Variants in ADGRE2 observed in about 807,000 individuals in gnomAD.
The protein encoded by ADGRE2 is adhesion G protein-coupled receptor E2, also known as CD97 antigen.
In ADGRE2, 83 loss-of-function variants were observed where a neutral mutation model predicts 100.8. That is an observed-to-expected ratio of 0.82 (90% confidence interval 0.69 to 0.99). The LOEUF is 0.99. ADGRE2 is among the 50% of genes least tolerant of loss of function. ADGRE2 has a pLI of 0.00. For missense variants in ADGRE2, 814 were observed against 1,035.7 expected, an observed-to-expected ratio of 0.79 and a Z score of 2.94; for synonymous variants, 355 against 413.0, an observed-to-expected ratio of 0.86 and a Z score of 1.70.
At chr19:14,753,323 C>T (rs1468739401) in intron 14 of ADGRE2, among the ~76,000 whole-genome samples, 2 of 151,824 alleles carry the variant, frequency 1.3e-5, no homozygotes, top group African/African-American at 4.8e-5. Flanking sequence ...AACCCACTGC[C>T]GCTTACAGGC....
Position 14,774,191 on chromosome 19 carries a change from G to C in ADGRE2, c.82+65C>G. ...TTCCCTGGGCTGAAGGGGGCTGGGC[G>C]GGGGTCCAGGACCCTCCCCAGGCTC... On this transcript the variant is annotated intron_variant, in intron 3 of 20. Coordinates refer to ENST00000315576, the MANE Select transcript of ADGRE2 (RefSeq NM_013447.4). The C allele has an allele frequency of 2.0e-6, 3 of 1,516,100 alleles. No individual in the cohort carries two copies. The East Asian group carries it at 6.8e-5, about 35-fold the overall frequency. 93.9% of individuals were successfully genotyped at this position (1,516,100 alleles called of 1,614,324 possible). A position where few individuals can be genotyped will look rare whatever the true frequency, so the allele number is the denominator to read the frequency against.
intron 11 of ADGRE2, 82 bp from the exon 12 acceptor site, chr19:14,756,427 A>C: frequency 2.4e-6 from 2 of 824,608 alleles, no homozygotes; most frequent in Non-Finnish European, 4.1e-6. Context: ...CTTAATATAT[A>C]TACTATATAC....
intron 11 of ADGRE2, among the ~76,000 whole-genome samples, chr19:14,762,483 G>A (rs1030332501): frequency 2.6e-5 from 4 of 152,104 alleles, no homozygotes; most frequent in Admixed American, 6.6e-5. Context: ...TGGGTTGGAG[G>A]AAGGGAGGAA....
intron 13 of ADGRE2, 60 bp from the exon 14 acceptor site, chr19:14,755,187 A>G: frequency 6.5e-7 from 1 of 1,548,938 alleles, no homozygotes; most frequent in Non-Finnish European, 8.8e-7. Flanking sequence ...TAATCCCAGC[A>G]CTTTGGGAGG....
At position 14,772,483 on chromosome 19, in the gene ADGRE2, C is replaced by T. The variant is rs772128568; in HGVS notation, c.214G>A (p.Ala72Thr). Residue 72 changes from alanine to threonine, a missense_variant, in exon 5 of 21, where the codon GCA becomes ACA. Physicochemically the swap from Ala to Thr is moderately conservative, Grantham distance 58. Coordinates refer to ENST00000315576, the MANE Select transcript of ADGRE2 (RefSeq NM_013447.4). Reference protein sequence around the residue: ...METCDDINECATLSKVSCGKF... With the variant: ...METCDDINECTTLSKVSCGKF... Reference sequence around the variant, plus strand: ...CCGCATGACACTTTCGACAGTGTTGCACACTCGTTGATGTCTGGAACACAA... The same window carrying T: ...CCGCATGACACTTTCGACAGTGTTGTACACTCGTTGATGTCTGGAACACAA... 12 of 1,613,964 alleles carry T rather than the reference C, an allele frequency of 7.4e-6. No homozygotes were observed. The highest frequency in any genetic ancestry group is 5.1e-6 in the Non-Finnish European group (6 of 1,180,000).
chr19:14,754,802 T>G (rs765038684), intron 14 of ADGRE2, 152 bp downstream of exon 14: 57 of 797,908 alleles, frequency 7.1e-5, no homozygotes, highest in Non-Finnish European at 1.1e-4. Context: ...TTCAGTCTTG[T>G]AAGACCCTGA....
Position 14,766,245 on chromosome 19 carries a change from G to C in ADGRE2, c.624C>G (p.Thr208=). 1 of 1,614,002 alleles carries C rather than the reference G, an allele frequency of 6.2e-7. No homozygotes were observed. The highest frequency in any genetic ancestry group is 8.5e-7 in the Non-Finnish European group (1 of 1,179,992). The change falls in exon 7 of 21, where the codon ACC becomes ACG. Residue 208 remains threonine (T), a synonymous_variant. Transcript: ENST00000315576. The part of the protein sequence containing the change: ...IPGSPNGPNN[T]VCEDVDECSS... ...ATCTGAGCTCTCGACCTTCACAGAC[G>C]GTATTGTTTGGGCCATTGGGGGACC...
intron 18 of ADGRE2, among the ~76,000 whole-genome samples, chr19:14,744,652 A>G (rs2043032358): frequency 6.6e-6 from 1 of 151,822 alleles, no homozygotes; most frequent in South Asian, 2.1e-4. Context: ...ATGGGGTTTC[A>G]CCATGTTGGC....
chr19:14,753,950 G>A (rs992364578), intron 14 of ADGRE2, among the ~76,000 whole-genome samples: 1 of 152,168 alleles, frequency 6.6e-6, no homozygotes, highest in Non-Finnish European at 1.5e-5. Context: ...ATTGATCCTG[G>A]GTGTGTCTAT....
intron 10 of ADGRE2, among the ~76,000 whole-genome samples, chr19:14,765,011 G>A (rs1275672381): frequency 1.3e-5 from 2 of 151,890 alleles, no homozygotes; most frequent in Non-Finnish European, 1.5e-5. Context: ...GTGAGACTCC[G>A]TCTAAAAAAA....
chr19:14,755,980 C>T, intron 12 of ADGRE2, 103 bp from the exon 13 acceptor site: 2 of 949,340 alleles, frequency 2.1e-6, no homozygotes, highest in Non-Finnish European at 3.2e-6. Flanking sequence ...GATGGGCTAC[C>T]TTCCTTTGGC....
At chr19:14,773,799 C>T in intron 4 of ADGRE2, 139 bp downstream of exon 4, 1 of 869,832 alleles carries the variant, frequency 1.1e-6, no homozygotes, top group Non-Finnish European at 1.9e-6. Context: ...CACACCTGCC[C>T]TCTTTCTCTT....
chr19:14,764,850 C>T (rs2043894472), intron 10 of ADGRE2, among the ~76,000 whole-genome samples: 1 of 152,136 alleles, frequency 6.6e-6, no homozygotes, highest in Non-Finnish European at 1.5e-5. Context: ...AACCCCGTCT[C>T]TACTAAAAAT....
At chr19:14,773,107 A>AAAAAAAAAAAT (rs2044279205) in intron 4 of ADGRE2, among the ~76,000 whole-genome samples, 1 of 147,682 alleles carries the variant, frequency 6.8e-6, no homozygotes, top group Non-Finnish European at 1.5e-5. Context: ...AACAAAAAAA[A>AAAAAAAAAAAT]AAAGAAAAAA....
Position 14,766,305 on chromosome 19 carries a change from C to G in ADGRE2, c.564G>C (p.Gln188His), listed in dbSNP as rs61732010. The change falls in exon 7 of 21, where the codon CAG becomes CAC. Residue 188 changes from glutamine (Q) to histidine (H), a missense_variant. Physicochemically the swap from Gln to His is conservative, Grantham distance 24. Transcript: ENST00000315576. ...GTTGCCAGCCCGGGCGGCAGCGGCA[C>G]TGATAGCTGCCCACGTTGTTGAGGC... is the stretch of plus-strand genomic sequence containing the variant. ...THCLNNVGSY[Q>H]CRCRPGWQPI... The G allele has an allele frequency of 5.5e-4, 887 of 1,614,088 alleles. 4 individuals are homozygous for G. In the African/African-American group the frequency reaches 0.011, roughly 20 times the overall value.
intron 11 of ADGRE2, among the ~76,000 whole-genome samples, chr19:14,757,510 A>T (rs1217978832): frequency 6.6e-6 from 1 of 152,244 alleles, no homozygotes; most frequent in East Asian, 1.9e-4. Flanking sequence ...TGGCATAAGG[A>T]CACAACAGAA....
intron 4 of ADGRE2, 44 bp from the exon 5 acceptor site, chr19:14,772,541 T>A (rs2044249948): frequency 6.2e-7 from 1 of 1,607,512 alleles, no homozygotes; most frequent in African/African-American, 1.3e-5. Flanking sequence ...AAGATGTGAG[T>A]TCCGTCAGGG....
In ADGRE2 at chr19:14,752,353, C is replaced by G. The variant is rs778688628; in HGVS notation, c.1764G>C (p.Val588=). 6.2e-7 allele frequency: 1 copy of G among 1,614,112 alleles called. No individual in the cohort carries two copies. Among genetic ancestry groups the G allele is most frequent in the Non-Finnish European group, 8.5e-7 (1 of 1,180,024 alleles). The change falls in exon 15 of 21, where the codon GTG becomes GTC. Residue 588 remains valine (V), a synonymous_variant. Transcript: ENST00000315576. ...CLFLAHLLFL[V]AIDQTGHKVL... ...CCTTGTGTCCGGTTTGATCAATTGCCACGAGGAAGAGGAGGTGGGCCAGGA... is the reference window on the plus strand; with the variant it reads ...CCTTGTGTCCGGTTTGATCAATTGCGACGAGGAAGAGGAGGTGGGCCAGGA...
chr19:14,766,467 C>A (rs773155197), intron 6 of ADGRE2, 86 bp from the exon 7 acceptor site: 6 of 1,437,410 alleles, frequency 4.2e-6, no homozygotes, highest in Non-Finnish European at 5.7e-6. Flanking sequence ...CCTATCTTTT[C>A]ATTGCCTCAG....
Sources: allele counts gnomAD v4.1 joint callset (sites outside exome capture counted in the v4.1 genomes callset), GRCh38; gene constraint gnomAD v4.1.1; transcripts MANE v1.5; gene names NCBI Gene and HGNC (gene_info 2026-07-23, HGNC 2026-07-21).